The following PRAG1 variants were observed in gnomAD, a reference collection of about 807,000 sequenced individuals.
PRAG1 encodes PEAK1 related, kinase-activating pseudokinase 1, also known as inactive tyrosine-protein kinase PRAG1.
Under a neutral mutation model 95.6 loss-of-function variants are expected in PRAG1, and 110 were observed. The observed-to-expected ratio is 1.15, with a 90% CI of 0.99 to 1.35. PRAG1 has a LOEUF of 1.35. Ranked by LOEUF, PRAG1 falls within the 40% of genes most tolerant of loss-of-function variation. PRAG1 has a pLI of 0.00. For synonymous variants in PRAG1, 1,052 were observed against 819.4 expected (o/e 1.28, Z -4.85); for missense variants, 2,554 against 1,864.7 (o/e 1.37, Z -6.81).
chr8:8,369,339 T>C (rs138373827), intron 3 of PRAG1, among the ~76,000 whole-genome samples: 5 of 152,290 alleles, frequency 3.3e-5, no homozygotes, highest in East Asian at 1.9e-4. Context: ...TCGGAGGAGA[T>C]GCAAACGTGG....
chr8:8,372,288 G>A (rs940893151), intron 3 of PRAG1, among the ~76,000 whole-genome samples: 2 of 152,152 alleles, frequency 1.3e-5, no homozygotes, highest in Non-Finnish European at 2.9e-5. Flanking sequence ...CCTAAGTGCT[G>A]GGATTATAGG....
chr8:8,323,677 G>A (rs1170627946), intron 5 of PRAG1, among the ~76,000 whole-genome samples: 3 of 152,040 alleles, frequency 2.0e-5, no homozygotes, highest in Non-Finnish European at 2.9e-5. Flanking sequence ...GAAGAAGGAC[G>A]TGTTTGCTTC....
intron 1 of PRAG1, among the ~76,000 whole-genome samples, chr8:8,382,771 T>C (rs940190219): frequency 6.6e-6 from 1 of 152,158 alleles, no homozygotes; most frequent in Non-Finnish European, 1.5e-5. Context: ...CCAATTACCT[T>C]GAAATCATTC....
chr8:8,331,033 G>T (rs189260018), intron 4 of PRAG1, among the ~76,000 whole-genome samples: 3 of 152,246 alleles, frequency 2.0e-5, no homozygotes, highest in South Asian at 4.2e-4. Context: ...CCAGCGAGGC[G>T]TCTGATTCTC....
At chr8:8,371,555 G>T (rs1265072920) in intron 3 of PRAG1, among the ~76,000 whole-genome samples, 1 of 152,032 alleles carries the variant, frequency 6.6e-6, no homozygotes, top group East Asian at 2.0e-4. Flanking sequence ...CACCGCGCCC[G>T]ACCATGAGTG....
At chr8:8,382,672 T>C (rs1001138866) in intron 1 of PRAG1, among the ~76,000 whole-genome samples, 2 of 152,178 alleles carry the variant, frequency 1.3e-5, no homozygotes, top group African/African-American at 2.4e-5. Context: ...ATTCATTGCT[T>C]CTTAGAGTAA....
Position 8,328,048 on chromosome 8 carries a change from A to C in PRAG1, c.2734T>G (p.Cys912Gly). ...GATGAGGCGGAGGGGGCCCCTTTGC[A>C]CTGGAGGCCAGGGCTCCCGCAGCCG... ...RGGCGSPGLQCKGAPSASSSQ... is the reference protein window; with the variant it reads ...RGGCGSPGLQGKGAPSASSSQ... Residue 912 changes from cysteine (C) to glycine (G), a missense_variant, in exon 5 of 6, where the codon TGC (cysteine) becomes GGC (glycine). Coordinates refer to ENST00000615670, the MANE Select transcript of PRAG1 (RefSeq NM_001080826.3). 1 of 1,590,748 alleles carries C rather than the reference A, an allele frequency of 6.3e-7. No homozygotes were observed. Among genetic ancestry groups the C allele is most frequent in the Non-Finnish European group, 8.6e-7 (1 of 1,167,800 alleles).
chr8:8,318,836 G>C lies in PRAG1; in HGVS notation c.3539C>G (p.Pro1180Arg). Residue 1180 changes from proline (P) to arginine (R), a missense_variant, in exon 6 of 6, where the codon CCC becomes CGC. Transcript: ENST00000615670. This position sits in a 1 kb window ranked among gnomAD's most constrained non-coding sequence, Gnocchi z 4.2. ...AGCAGGCGGGGCGGCAGAGGAGCAG[G>C]GAGGCGCGGCGGCGGCGGGGGCGGG... The part of the protein sequence containing the change: ...PAPAPAAAAP[P>R]CSSAAPPAGG... The C allele has an allele frequency of 7.6e-7, 1 of 1,317,726 alleles. No homozygotes were observed. The highest frequency in any genetic ancestry group is 2.1e-5 in the South Asian group (1 of 48,488). The allele number at this position is 1,317,726 out of a possible 1,614,324, so 81.6% of individuals were successfully genotyped here.
intron 3 of PRAG1, among the ~76,000 whole-genome samples, chr8:8,345,524 C>A (rs575867444): frequency 6.6e-6 from 1 of 152,266 alleles, no homozygotes; most frequent in African/African-American, 2.4e-5. Context: ...GGCACAGTGG[C>A]TCACACTTGT....
chr8:8,318,675 T>C lies in PRAG1; in HGVS notation c.3700A>G (p.Lys1234Glu), dbSNP rs772798805. The change falls in exon 6 of 6, where the codon AAG becomes GAG. Residue 1234 changes from lysine (K) to glutamate (E), a missense_variant. Transcript: ENST00000615670. This position sits in a 1 kb window ranked among gnomAD's most constrained non-coding sequence, Gnocchi z 4.2. ...TCGGGGGCCAGCCGGGCCTGGCTCTTCTTCTGCTGCAGGTTTGGGGTGCCG... is the reference window on the plus strand; with the variant it reads ...TCGGGGGCCAGCCGGGCCTGGCTCTCCTTCTGCTGCAGGTTTGGGGTGCCG... ...PGGTPNLQQKKSQARLAPEIV... is the reference protein window; with the variant it reads ...PGGTPNLQQKESQARLAPEIV... 1 of 1,611,404 alleles carries C rather than the reference T, an allele frequency of 6.2e-7. No homozygotes were observed. The highest frequency in any genetic ancestry group is 8.5e-7 in the Non-Finnish European group (1 of 1,179,694).
At chr8:8,336,356 C>T (rs537495696) in intron 4 of PRAG1, among the ~76,000 whole-genome samples, 5 of 152,266 alleles carry the variant, frequency 3.3e-5, no homozygotes, top group South Asian at 2.1e-4. Context: ...TTCCCTCACA[C>T]GTCCAACCAT....
At chr8:8,358,740 G>T (rs988232225) in intron 3 of PRAG1, among the ~76,000 whole-genome samples, 3 of 152,220 alleles carry the variant, frequency 2.0e-5, no homozygotes, top group Non-Finnish European at 1.5e-5. Context: ...AAGAGACACA[G>T]GAATATTTAT....
rs767194390 is a variant in PRAG1, at chr8:8,376,744, C to A, written c.1665G>T (p.Gly555=). The change falls in exon 3 of 6, where the codon GGG becomes GGT. Residue 555 remains glycine, a synonymous_variant. Transcript: ENST00000615670. ...PPKLSKSSPV[G]SPVSPSAGGP... ...CTCCAGCAGACGGTGACACCGGGGA[C>A]CCTACAGGGCTACTCTTGGACAACT... is the stretch of plus-strand genomic sequence containing the variant. 6.2e-7 allele frequency: 1 copy of A among 1,609,914 alleles called. No individual in the cohort carries two copies. Among genetic ancestry groups the A allele is most frequent in the South Asian group, 1.1e-5 (1 of 91,062 alleles).
At chr8:8,348,010 C>T (rs1412292514) in intron 3 of PRAG1, among the ~76,000 whole-genome samples, 6 of 151,990 alleles carry the variant, frequency 3.9e-5, no homozygotes, top group Admixed American at 2.6e-4. Context: ...TCTGCCTCCC[C>T]GGTTCAAGAG....
Position 8,318,921 on chromosome 8 carries a change from G to A in PRAG1, c.3454C>T (p.Leu1152=). ...IHRDLCLENL[L]LVHCTLQAGP... ...GCCTGGAGGGTGCAGTGCACCAGCAGCAGGTTCTCCAGGCACAGGTCCCGG... is the reference window on the plus strand; with the variant it reads ...GCCTGGAGGGTGCAGTGCACCAGCAACAGGTTCTCCAGGCACAGGTCCCGG... Residue 1152 remains leucine, a synonymous_variant, in exon 6 of 6, where the codon CTG becomes TTG. Transcript: ENST00000615670. This position sits in a 1 kb window ranked among gnomAD's most constrained non-coding sequence, Gnocchi z 4.2. 1.2e-6 allele frequency: 2 copies of A among 1,609,810 alleles called. No homozygotes were observed. Among genetic ancestry groups the A allele is most frequent in the Non-Finnish European group, 1.7e-6 (2 of 1,178,516 alleles).
chr8:8,368,386 C>T (rs762606677), intron 3 of PRAG1, among the ~76,000 whole-genome samples: 9 of 152,192 alleles, frequency 5.9e-5, no homozygotes, highest in East Asian at 1.9e-4. Flanking sequence ...ACACTCCTAA[C>T]GCCCAACATT....
At chr8:8,360,037 AAC>A (rs1194114372) in intron 3 of PRAG1, among the ~76,000 whole-genome samples, 3 of 152,164 alleles carry the variant, frequency 2.0e-5, no homozygotes, top group Non-Finnish European at 4.4e-5. Context: ...GAGGAAAACC[AAC>A]AGATGAGTGA....
At chr8:8,383,861 T>A (rs1353020074) in intron 1 of PRAG1, among the ~76,000 whole-genome samples, 1 of 152,152 alleles carries the variant, frequency 6.6e-6, no homozygotes, top group Non-Finnish European at 1.5e-5. Context: ...CAGAGAACTG[T>A]AGCCTTGCTG....
Position 8,336,920 on chromosome 8 carries a change from C to T in PRAG1, c.2320+2558G>A, listed in dbSNP as rs1345854678. 2.4e-4 allele frequency among the ~76,000 whole-genome samples: 35 copies of T among 146,350 alleles called. 1 individual carries two copies. The highest frequency in any genetic ancestry group is 8.3e-4 in the African/African-American group (32 of 38,526). On this transcript the variant is annotated intron_variant, in intron 4 of 5. Coordinates refer to ENST00000615670, the MANE Select transcript of PRAG1 (RefSeq NM_001080826.3). ...CCCCACACCCCTTTCCCCCCTCCCC[C>T]CACCTCCGACATAAAGCATGAATCA...
Sources: gnomAD v4.1 joint callset for allele counts (sites outside exome capture counted in the v4.1 genomes callset) on GRCh38, gnomAD v4.1.1 for gene constraint, Gnocchi (gnomAD v3.1) non-coding constraint, MANE v1.5 for transcripts, NCBI Gene and HGNC (gene_info 2026-07-23, HGNC 2026-07-21) for gene names.